The following PARD3 variants were observed in gnomAD, a reference collection of about 807,000 sequenced individuals.
The protein encoded by PARD3 is par-3 family cell polarity regulator.
A neutral mutation model predicts 155.4 loss-of-function variants in PARD3; 75 were observed. That is an observed-to-expected ratio of 0.48 (90% CI 0.40 to 0.58). PARD3 has a LOEUF of 0.58. Among genes scored for constraint, PARD3 ranks in the 20% least tolerant of loss-of-function variants. The pLI is 0.00. For missense variants in PARD3, 1,642 were observed against 1,721.7 expected (o/e 0.95, Z 0.82); for synonymous variants, 576 against 610.5 (o/e 0.94, Z 0.83).
intron 11 of PARD3, 36 bp downstream of exon 11, chr10:34,374,838 T>C (rs955806447): frequency 6.2e-7 from 1 of 1,605,366 alleles, no homozygotes; most frequent in Non-Finnish European, 8.5e-7. Context: ...GGCTGCTGCA[T>C]ATCAGAAATC....
chr10:34,798,288 C>A (rs1284816457), intron 1 of PARD3, among the ~76,000 whole-genome samples: 2 of 151,700 alleles, frequency 1.3e-5, no homozygotes, highest in Non-Finnish European at 2.9e-5. Context: ...ATTGATGGCA[C>A]CACTATACTC....
rs1403997855 is a variant in PARD3 at position 34,348,040 on chromosome 10, A to G, written c.2143T>C (p.Ser715Pro). 6.2e-7 allele frequency: 1 copy of G among 1,613,472 alleles called. No homozygotes were observed. The highest frequency in any genetic ancestry group is 8.5e-7 in the Non-Finnish European group (1 of 1,179,716). ...TCAATCCCACTGTAGAGGGAATGGGAAATTCTTCGTTCTCTATCATCCAAC... is the reference window on the plus strand; with the variant it reads ...TCAATCCCACTGTAGAGGGAATGGGGAATTCTTCGTTCTCTATCATCCAAC... ...TALDDRERRI[S>P]HSLYSGIEGL... is the part of the protein sequence containing the mutation. Residue 715 changes from serine to proline, a missense_variant, in exon 15 of 25, where the codon TCC becomes CCC. Around this residue, in one of 3 missense-constraint regions of PARD3, gnomAD observed 1,529 missense variants for 1,587.3 expected, o/e 0.96. Coordinates refer to ENST00000374788, the MANE Select transcript of PARD3 (RefSeq NM_001184785.2).
intron 19 of PARD3, among the ~76,000 whole-genome samples, chr10:34,320,228 G>A (rs1958291614): frequency 6.6e-6 from 1 of 152,086 alleles, no homozygotes; most frequent in Non-Finnish European, 1.5e-5. Context: ...AATGCTTACT[G>A]TTCTCTCATC....
At chr10:34,739,136 T>A (rs2094963566) in intron 1 of PARD3, among the ~76,000 whole-genome samples, 1 of 152,132 alleles carries the variant, frequency 6.6e-6, no homozygotes, top group African/African-American at 2.4e-5. Flanking sequence ...GACAACTAAA[T>A]GCAATGTAGC....
rs113700373 is a variant in PARD3 at position 34,755,295 on chromosome 10, C to T, written c.121-58876G>A. 9.2e-3 allele frequency among the ~76,000 whole-genome samples: 1,397 copies of T among 151,964 alleles called. 25 individuals are homozygous for T. The highest frequency in any genetic ancestry group is 0.031 in the African/African-American group (1,304 of 41,454). On this transcript the variant is annotated intron_variant, in intron 1 of 24. Coordinates refer to ENST00000374788, the MANE Select transcript of PARD3 (RefSeq NM_001184785.2). ...GGCGTGGTGGCATGCACCCGTAATC[C>T]CAGCTACTGAGGAGGCTGAGGCAGG... is the stretch of plus-strand genomic sequence containing the variant.
intron 22 of PARD3, among the ~76,000 whole-genome samples, chr10:34,159,281 G>A (rs749441246): frequency 4.6e-5 from 7 of 152,180 alleles, no homozygotes; most frequent in Non-Finnish European, 8.8e-5. Context: ...AGCTTCTACT[G>A]CTACTCATGG....
intron 1 of PARD3, among the ~76,000 whole-genome samples, chr10:34,804,038 T>G (rs1588838568): frequency 1.5e-5 from 1 of 65,158 alleles, no homozygotes; most frequent in Non-Finnish European, 2.6e-5. Context: ...TGTTTTTGTT[T>G]TTTTTTTTTT....
chr10:34,714,434 C>T (rs1236655352), intron 1 of PARD3, among the ~76,000 whole-genome samples: 1 of 152,186 alleles, frequency 6.6e-6, no homozygotes, highest in Admixed American at 6.5e-5. Context: ...CACCTCGTGG[C>T]ATCTGTACTT....
intron 2 of PARD3, among the ~76,000 whole-genome samples, chr10:34,688,362 C>A (rs2093987773): frequency 6.6e-6 from 1 of 152,158 alleles, no homozygotes; most frequent in Non-Finnish European, 1.5e-5. Flanking sequence ...TGACAAAGAC[C>A]AAACCAGACA....
intron 2 of PARD3, among the ~76,000 whole-genome samples, chr10:34,590,176 G>A (rs748699009): frequency 1.3e-5 from 2 of 152,170 alleles, no homozygotes; most frequent in Non-Finnish European, 2.9e-5. Flanking sequence ...GTGGAAGGCT[G>A]TTCACCAACC....
intron 22 of PARD3, among the ~76,000 whole-genome samples, chr10:34,256,401 C>G (rs890262023): frequency 6.6e-6 from 1 of 152,224 alleles, no homozygotes; most frequent in Non-Finnish European, 1.5e-5. Context: ...GTTACCACAG[C>G]CGGAGCAGGG....
intron 2 of PARD3, among the ~76,000 whole-genome samples, chr10:34,555,626 T>C (rs2134005074): frequency 6.6e-6 from 1 of 152,306 alleles, no homozygotes; most frequent in South Asian, 2.1e-4. Context: ...ACATCATTAT[T>C]TAATTGACCT....
intron 20 of PARD3, among the ~76,000 whole-genome samples, chr10:34,296,318 A>G (rs1956907154): frequency 6.6e-6 from 1 of 151,960 alleles, no homozygotes; most frequent in African/African-American, 2.4e-5. Flanking sequence ...TGCAGCATCA[A>G]ACTCCTGGGT....
At chr10:34,312,639 G>A (rs558039393) in intron 20 of PARD3, among the ~76,000 whole-genome samples, 10 of 152,244 alleles carry the variant, frequency 6.6e-5, no homozygotes, top group African/African-American at 9.6e-5. Flanking sequence ...ATAAAACAAT[G>A]CTTCGGGGAC....
chr10:34,263,215 T>C (rs1256761393), intron 22 of PARD3, among the ~76,000 whole-genome samples: 1 of 152,244 alleles, frequency 6.6e-6, no homozygotes, highest in Admixed American at 6.5e-5. Context: ...AAACAAATAG[T>C]GCTTACTACA....
chr10:34,235,593 CGTTTA>C (rs1953180225), intron 22 of PARD3, among the ~76,000 whole-genome samples: 3 of 152,174 alleles, frequency 2.0e-5, no homozygotes, highest in African/African-American at 4.8e-5. Flanking sequence ...CTACCACTGA[CGTTTA>C]GTTACTGAGT....
intron 22 of PARD3, among the ~76,000 whole-genome samples, chr10:34,135,845 C>T (rs562631483): frequency 1.3e-5 from 2 of 152,296 alleles, no homozygotes; most frequent in South Asian, 4.1e-4. Flanking sequence ...TAGTGCAGGG[C>T]CCAAGAACTT....
chr10:34,285,181 A>G (rs541317653), intron 20 of PARD3, among the ~76,000 whole-genome samples: 5 of 152,228 alleles, frequency 3.3e-5, no homozygotes, highest in Non-Finnish European at 7.4e-5. Context: ...ACAGTCACAC[A>G]ACTAAGCATT....
chr10:34,747,294 C>T (rs2133924153), intron 1 of PARD3, among the ~76,000 whole-genome samples: 1 of 152,222 alleles, frequency 6.6e-6, no homozygotes, highest in Non-Finnish European at 1.5e-5. Flanking sequence ...TGCAGACAGC[C>T]ACTCTAGAGA....
Sources: gnomAD v4.1 joint callset for allele counts (sites outside exome capture counted in the v4.1 genomes callset) on GRCh38, gnomAD v4.1.1 for gene constraint, gnomAD v4.1.1 regional missense constraint, MANE v1.5 for transcripts, NCBI Gene and HGNC (gene_info 2026-07-23, HGNC 2026-07-21) for gene names.